Variants in CCBE1 observed in about 807,000 individuals in gnomAD.
The protein encoded by CCBE1 is collagen and calcium binding EGF domains 1, also known as collagen and calcium-binding EGF domain-containing protein 1.
Under a neutral mutation model 50.0 loss-of-function variants are expected in CCBE1, and 37 were observed. The ratio of observed to expected loss-of-function variants is 0.74; its 90% CI spans 0.57 to 0.97. CCBE1 has a LOEUF of 0.97. Among genes scored for constraint, CCBE1 ranks in the 50% least tolerant of loss-of-function variants. CCBE1 has a pLI of 0.00. For missense variants in CCBE1, 538 were observed against 523.8 expected (o/e 1.03, Z -0.26); for synonymous variants, 234 against 203.7 (o/e 1.15, Z -1.27).
chr18:59,599,568 G>A (rs1449906950), intron 2 of CCBE1, among the ~76,000 whole-genome samples: 1 of 152,008 alleles, frequency 6.6e-6, no homozygotes. Context: ...TTCATTCCTG[G>A]CCATGACTGA....
At position 59,619,089 on chromosome 18, in the gene CCBE1, T is replaced by A. The variant is rs552837142; in HGVS notation, c.212+77540A>T. The stretch of plus-strand genomic sequence containing the variant: ...AGAAAGTAACCTGAAGATGTGAATA[T>A]GTATTTAGCCTCAAAGTATCTGTTT... On this transcript the variant is annotated intron_variant, in intron 2 of 10. Coordinates refer to ENST00000439986, the MANE Select transcript of CCBE1 (RefSeq NM_133459.4). 3.9e-5 allele frequency among the ~76,000 whole-genome samples: 6 copies of A among 152,358 alleles called. No homozygotes were observed. In the South Asian group the frequency reaches 1.2e-3, roughly 32 times the overall value.
intron 2 of CCBE1, among the ~76,000 whole-genome samples, chr18:59,487,741 G>A (rs143201740): frequency 3.3e-5 from 5 of 152,254 alleles, no homozygotes; most frequent in South Asian, 2.1e-4. Context: ...TTGCTAACAC[G>A]TACAATTACT....
At chr18:59,567,147 T>G (rs905915045) in intron 2 of CCBE1, among the ~76,000 whole-genome samples, 1 of 152,134 alleles carries the variant, frequency 6.6e-6, no homozygotes, top group African/African-American at 2.4e-5. Context: ...AAATGGAGAT[T>G]AGCTCTGGTT....
At chr18:59,521,477 AATTCC>A (rs1256683697) in intron 2 of CCBE1, among the ~76,000 whole-genome samples, 1 of 152,106 alleles carries the variant, frequency 6.6e-6, no homozygotes, top group African/African-American at 2.4e-5. Context: ...CTGAGCAGAG[AATTCC>A]AGAAGGACTC....
At chr18:59,467,456 A>C (rs1268152802) in intron 4 of CCBE1, among the ~76,000 whole-genome samples, 1 of 152,188 alleles carries the variant, frequency 6.6e-6, no homozygotes, top group Non-Finnish European at 1.5e-5. Context: ...GAAAATAGTC[A>C]TAATGGGTCT....
At chr18:59,597,782 A>G (rs2053375102) in intron 2 of CCBE1, among the ~76,000 whole-genome samples, 1 of 152,062 alleles carries the variant, frequency 6.6e-6, no homozygotes, top group Admixed American at 6.6e-5. Flanking sequence ...TGTATCAGTA[A>G]TAAGACCATG....
At chr18:59,542,615 A>G (rs1251188062) in intron 2 of CCBE1, among the ~76,000 whole-genome samples, 1 of 152,212 alleles carries the variant, frequency 6.6e-6, no homozygotes, top group African/African-American at 2.4e-5. Context: ...TATATCAAAA[A>G]AGGCAAGCAC....
chr18:59,557,038 A>C (rs1229751588), intron 2 of CCBE1, among the ~76,000 whole-genome samples: 3 of 152,166 alleles, frequency 2.0e-5, no homozygotes, highest in Admixed American at 2.0e-4. Flanking sequence ...TCTCAAGGTC[A>C]GTGTAGGGCA....
At chr18:59,596,896 G>A (rs986205834) in intron 2 of CCBE1, among the ~76,000 whole-genome samples, 2 of 152,214 alleles carry the variant, frequency 1.3e-5, no homozygotes, top group Non-Finnish European at 2.9e-5. Context: ...TAGTCACAAA[G>A]ACAGTACCAG....
chr18:59,453,439 T>A (rs1911033593), intron 6 of CCBE1, among the ~76,000 whole-genome samples: 1 of 152,230 alleles, frequency 6.6e-6, no homozygotes, highest in East Asian at 1.9e-4. Flanking sequence ...GTCTTCCTAT[T>A]AGGATCATAA....
chr18:59,606,049 C>A (rs2053494026), intron 2 of CCBE1, among the ~76,000 whole-genome samples: 1 of 152,200 alleles, frequency 6.6e-6, no homozygotes, highest in African/African-American at 2.4e-5. Flanking sequence ...GCCTATGGTG[C>A]TTTGCGATTC....
At chr18:59,679,334 T>TA (rs906705100) in intron 2 of CCBE1, among the ~76,000 whole-genome samples, 56 of 152,354 alleles carry the variant, frequency 3.7e-4, no homozygotes, top group African/African-American at 1.3e-3. Flanking sequence ...AAATCTATTT[T>TA]ATCCAAGGAA....
At chr18:59,464,636 G>T (rs745954538) in intron 5 of CCBE1, among the ~76,000 whole-genome samples, 4 of 152,190 alleles carry the variant, frequency 2.6e-5, no homozygotes, top group Non-Finnish European at 5.9e-5. Context: ...TGGTTCCAAA[G>T]ACTTATTTTG....
chr18:59,618,903 G>A (rs28447354), intron 2 of CCBE1, among the ~76,000 whole-genome samples: 3,781 of 152,044 alleles, frequency 0.025, 144 homozygotes, highest in African/African-American at 0.086. Flanking sequence ...ATTTTACTTC[G>A]TGTATAGTGG....
chr18:59,664,284 A>G (rs78021382), intron 2 of CCBE1, among the ~76,000 whole-genome samples: 2,843 of 152,250 alleles, frequency 0.019, 86 homozygotes, highest in African/African-American at 0.066. Context: ...TTAGGTTTCA[A>G]CATGTAAGTT....
intron 2 of CCBE1, among the ~76,000 whole-genome samples, chr18:59,489,500 A>G (rs1912989331): frequency 6.6e-6 from 1 of 151,800 alleles, no homozygotes; most frequent in African/African-American, 2.4e-5. Flanking sequence ...TGCAACCTCT[A>G]CCTCCTGGGT....
At chr18:59,588,653 T>G (rs1266051673) in intron 2 of CCBE1, among the ~76,000 whole-genome samples, 2 of 152,206 alleles carry the variant, frequency 1.3e-5, no homozygotes, top group East Asian at 3.9e-4. Flanking sequence ...GCTGGGCTAA[T>G]GCAGCCCCTG....
intron 3 of CCBE1, among the ~76,000 whole-genome samples, chr18:59,474,955 C>T (rs577443342): frequency 6.6e-6 from 1 of 152,176 alleles, no homozygotes; most frequent in African/African-American, 2.4e-5. Context: ...GCTATTATCT[C>T]CTCTTCCCAT....
At chr18:59,492,531 CCTCCTTCCCCTT>C (rs1913159760) in intron 2 of CCBE1, among the ~76,000 whole-genome samples, 1 of 152,176 alleles carries the variant, frequency 6.6e-6, no homozygotes, top group South Asian at 2.1e-4. Context: ...GCCCTCCCTC[CCTCCTTCCCCTT>C]CTCCTTCCCA....
Sources: gnomAD v4.1 joint callset for allele counts (sites outside exome capture counted in the v4.1 genomes callset) on GRCh38, gnomAD v4.1.1 for gene constraint, MANE v1.5 for transcripts, NCBI Gene and HGNC (gene_info 2026-07-23, HGNC 2026-07-21) for gene names.